The following PTPN2 variants were observed in gnomAD, a reference collection of about 807,000 sequenced individuals.
PTPN2 encodes tyrosine-protein phosphatase non-receptor type 2.
In PTPN2, 19 loss-of-function variants were observed where a neutral mutation model predicts 57.3. The observed-to-expected ratio is 0.33, with a 90% CI of 0.23 to 0.49. The LOEUF (loss-of-function observed/expected upper bound fraction) is 0.49. PTPN2 is among the 20% of genes least tolerant of loss of function. The pLI, the probability that PTPN2 is intolerant of heterozygous loss-of-function variation, is 0.99. For synonymous variants in PTPN2, 153 were observed against 164.9 expected, an observed-to-expected ratio of 0.93 and a Z score of 0.55; for missense variants, 358 against 501.1, an observed-to-expected ratio of 0.71 and a Z score of 2.73.
rs2042878176 is a variant in PTPN2 at position 12,836,722 on chromosome 18, C to T, written c.261+69G>A. ...AAAAGAAGTCAAGATATACTTTTACCTATGATTTAAAGCAGAACAAGCACA... is the reference window on the plus strand; with the variant it reads ...AAAAGAAGTCAAGATATACTTTTACTTATGATTTAAAGCAGAACAAGCACA... On this transcript the variant is annotated intron_variant, in intron 3 of 8. Coordinates refer to ENST00000309660, the MANE Select transcript of PTPN2 (RefSeq NM_002828.4). 10 of 969,836 alleles carry T rather than the reference C, an allele frequency of 1.0e-5. No homozygotes were observed. In the Admixed American group the frequency reaches 2.3e-4, roughly 22 times the overall value. 60.1% of individuals were successfully genotyped at this position (969,836 alleles called of 1,614,324 possible). A position where few individuals can be genotyped will look rare whatever the true frequency, so the allele number is the denominator to read the frequency against.
At chr18:12,852,657 A>C (rs1412751805) in intron 2 of PTPN2, among the ~76,000 whole-genome samples, 2 of 152,232 alleles carry the variant, frequency 1.3e-5, no homozygotes, top group Non-Finnish European at 2.9e-5. Context: ...TTGGGACTAC[A>C]ATCATGAGCT....
Position 12,793,843 on chromosome 18 carries a change from T to C in PTPN2, c.*435A>G. On this transcript the variant is annotated 3_prime_UTR_variant, in exon 9 of 9. Coordinates refer to ENST00000309660, the MANE Select transcript of PTPN2 (RefSeq NM_002828.4). ...TGATGCCCATGTCAATAGTACATTA[T>C]ACATTACACACATTATTTAAATGTC... 1.0e-6 allele frequency: 1 copy of C among 995,900 alleles called. No individual in the cohort carries two copies. The highest frequency in any genetic ancestry group is 1.2e-6 in the Non-Finnish European group (1 of 827,526). 61.7% of individuals were successfully genotyped at this position (995,900 alleles called of 1,614,324 possible). A position where few individuals can be genotyped will look rare whatever the true frequency, so the allele number is the denominator to read the frequency against.
At position 12,878,338 on chromosome 18, in the gene PTPN2, AAAAAAAAAGAAAGAAAAAGG is replaced by A. The variant is rs1395466657; in HGVS notation, c.69+5715_69+5734del. Among the ~76,000 whole-genome samples the A allele has an allele frequency of 2.0e-5, 3 of 150,860 alleles. No homozygotes were observed. In the East Asian group the frequency reaches 5.9e-4, roughly 29 times the overall value. On this transcript the variant is annotated intron_variant, in intron 1 of 8. Coordinates refer to ENST00000309660, the MANE Select transcript of PTPN2 (RefSeq NM_002828.4). ...TCTCAAAAAGAAAAGAAAGAAAAAG[AAAAAAAAAGAAAGAAAAAGG>A]AAAAAAAGAAAGAAAAAGAAAAATG...
chr18:12,831,724 C>G (rs568956479), intron 3 of PTPN2, among the ~76,000 whole-genome samples: 1 of 152,318 alleles, frequency 6.6e-6, no homozygotes, highest in African/African-American at 2.4e-5. Context: ...CACAATGAAA[C>G]TGTTAATCTA....
chr18:12,785,588 A>G, exon 10 of PTPN2: 2 of 568,062 alleles, frequency 3.5e-6, no homozygotes, highest in Admixed American at 7.1e-5. Context: ...ATCTTTCTAC[A>G]TTTCATACAC....
At chr18:12,842,772 C>T (rs2043085901) in intron 2 of PTPN2, among the ~76,000 whole-genome samples, 1 of 152,160 alleles carries the variant, frequency 6.6e-6, no homozygotes, top group South Asian at 2.1e-4. Context: ...ACTGCTACTT[C>T]CATTTTCTCA....
chr18:12,797,530 G>A (rs138918052), intron 8 of PTPN2, among the ~76,000 whole-genome samples: 162 of 152,182 alleles, frequency 1.1e-3, no homozygotes, highest in Non-Finnish European at 2.0e-3. Flanking sequence ...TTCCAAAAGT[G>A]CACTATATAA....
downstream of PTPN2, among the ~76,000 whole-genome samples, chr18:12,789,882 A>G (rs139054957): frequency 0.018 from 2,597 of 144,968 alleles, 78 homozygotes; most frequent in African/African-American, 0.058. Flanking sequence ...GTGTGTGTAT[A>G]TATATATGTA....
At chr18:12,797,891 G>C (rs773142454) in intron 8 of PTPN2, among the ~76,000 whole-genome samples, 2 of 151,942 alleles carry the variant, frequency 1.3e-5, no homozygotes, top group Admixed American at 1.3e-4. Flanking sequence ...CACATTTGGC[G>C]GATTTTTGTA....
intron 2 of PTPN2, among the ~76,000 whole-genome samples, chr18:12,855,375 G>A (rs2145460353): frequency 6.6e-6 from 1 of 152,056 alleles, no homozygotes; most frequent in African/African-American, 2.4e-5. Flanking sequence ...GAAAGAGGCT[G>A]AAAACACACA....
intron 3 of PTPN2, among the ~76,000 whole-genome samples, chr18:12,832,401 G>C (rs2042702129): frequency 1.3e-5 from 2 of 152,112 alleles, no homozygotes; most frequent in Admixed American, 1.3e-4. Context: ...ACAGGTATCA[G>C]CCATGGTGCC....
At chr18:12,806,217 A>G (rs2041644790) in intron 7 of PTPN2, among the ~76,000 whole-genome samples, 1 of 152,168 alleles carries the variant, frequency 6.6e-6, no homozygotes, top group Admixed American at 6.5e-5. Flanking sequence ...AAGCAATTCC[A>G]TTTTCAAAAA....
At position 12,860,299 on chromosome 18, in the gene PTPN2, A is replaced by C. The variant is rs536070045; in HGVS notation, c.70-1045T>G. On this transcript the variant is annotated intron_variant, in intron 1 of 8. Coordinates refer to ENST00000309660, the MANE Select transcript of PTPN2 (RefSeq NM_002828.4). ...GTGAGACTCTATAAAAAAAAACCCC[A>C]AAAAAATACAAAAATTAGGCTGTGC... 8.1e-4 allele frequency among the ~76,000 whole-genome samples: 122 copies of C among 150,024 alleles called. 2 individuals carry two copies. Among genetic ancestry groups the C allele is most frequent in the African/African-American group, 1.9e-3 (76 of 40,750 alleles).
At chr18:12,870,387 A>G (rs1335645423) in intron 1 of PTPN2, among the ~76,000 whole-genome samples, 10 of 66,072 alleles carry the variant, frequency 1.5e-4, no homozygotes, top group East Asian at 1.5e-3. Context: ...ATATATACGT[A>G]TATATGTATA....
Position 12,793,690 on chromosome 18 carries a change from GACAT to G in PTPN2, c.*584_*587del, listed in dbSNP as rs1428329915. On this transcript the variant is annotated 3_prime_UTR_variant, in exon 9 of 9. Transcript: ENST00000309660. ...AAAATGTATCCAGTACAATTCAATC[GACAT>G]ACAATTTATTTTTTTAGTAACAGAT... is the stretch of plus-strand genomic sequence containing the variant. 46 of 982,416 alleles carry G rather than the reference GACAT, an allele frequency of 4.7e-5. No homozygotes were observed. Among genetic ancestry groups the G allele is most frequent in the African/African-American group, 7.0e-5 (4 of 57,062 alleles). 60.9% of individuals were successfully genotyped at this position (982,416 alleles called of 1,614,324 possible).
chr18:12,870,460 TATAGAGAG>T (rs1203870379), intron 1 of PTPN2, among the ~76,000 whole-genome samples: 5 of 24,106 alleles, frequency 2.1e-4, no homozygotes, highest in African/African-American at 5.6e-4. Flanking sequence ...TATATATATA[TATAGAGAG>T]AGAGAGAGAG....
intron 1 of PTPN2, among the ~76,000 whole-genome samples, chr18:12,879,314 C>T (rs562940595): frequency 6.6e-6 from 1 of 152,124 alleles, no homozygotes; most frequent in African/African-American, 2.4e-5. Context: ...CACTCTTTCA[C>T]GATCAATTCT....
At chr18:12,852,131 T>A (rs1437461124) in intron 2 of PTPN2, among the ~76,000 whole-genome samples, 1 of 151,712 alleles carries the variant, frequency 6.6e-6, no homozygotes, top group Admixed American at 6.6e-5. Flanking sequence ...TACAACAATG[T>A]GCATACAGTT....
chr18:12,853,783 A>G (rs753618776), intron 2 of PTPN2, among the ~76,000 whole-genome samples: 4 of 152,222 alleles, frequency 2.6e-5, no homozygotes, highest in Non-Finnish European at 5.9e-5. Context: ...AATGGGTAGA[A>G]AAGATTTAGA....
Sources: allele counts gnomAD v4.1 joint callset (sites outside exome capture counted in the v4.1 genomes callset), GRCh38; gene constraint gnomAD v4.1.1; transcripts MANE v1.5; gene names NCBI Gene and HGNC (gene_info 2026-07-23, HGNC 2026-07-21).